Variants in EIF4G3 observed in about 807,000 individuals in gnomAD.
EIF4G3 encodes the protein eIF-4-gamma 3.
EIF4G3 carries 34 observed loss-of-function variants against 186.4 expected under a neutral mutation model. That is an observed-to-expected ratio of 0.18 (90% CI 0.14 to 0.24). The LOEUF (loss-of-function observed/expected upper bound fraction) is 0.24, where lower values mean the gene tolerates loss of function less well. EIF4G3 is among the 10% of genes least tolerant of loss of function. EIF4G3 has a pLI of 1.00. For synonymous variants in EIF4G3, 673 were observed against 679.5 expected, an observed-to-expected ratio of 0.99 and a Z score of 0.15; for missense variants, 1,536 against 1,948.5, an observed-to-expected ratio of 0.79 and a Z score of 3.99.
intron 2 of EIF4G3, among the ~76,000 whole-genome samples, chr1:21,158,908 T>C (rs919604364): frequency 1.1e-4 from 16 of 151,758 alleles, no homozygotes; most frequent in African/African-American, 3.9e-4. Context: ...TTACCTATGA[T>C]GAGTAAAGAC....
At chr1:21,075,094 AAAG>A (rs2095546385) in intron 3 of EIF4G3, among the ~76,000 whole-genome samples, 1 of 152,182 alleles carries the variant, frequency 6.6e-6, no homozygotes, top group Non-Finnish European at 1.5e-5. Context: ...GAGAGGGAAA[AAAG>A]GAACAAAGGA....
chr1:21,112,992 A>AT (rs914455421), intron 2 of EIF4G3, among the ~76,000 whole-genome samples: 4 of 152,070 alleles, frequency 2.6e-5, no homozygotes, highest in Non-Finnish European at 5.9e-5. Flanking sequence ...AATCAGAAAC[A>AT]TATAAATATT....
intron 4 of EIF4G3, among the ~76,000 whole-genome samples, chr1:21,023,639 CT>C (rs2091377327): frequency 1.3e-5 from 2 of 152,076 alleles, no homozygotes; most frequent in South Asian, 4.1e-4. Context: ...CTGCCTTGGC[CT>C]CCCAAAGTGC....
chr1:20,819,672 G>A (rs1287807309), intron 33 of EIF4G3, among the ~76,000 whole-genome samples: 1 of 152,034 alleles, frequency 6.6e-6, no homozygotes, highest in African/African-American at 2.4e-5. Context: ...CAACACACAC[G>A]AACCTATCAG....
At chr1:21,130,617 GTTC>G (rs1371231424) in intron 2 of EIF4G3, among the ~76,000 whole-genome samples, 1 of 152,058 alleles carries the variant, frequency 6.6e-6, no homozygotes, top group Non-Finnish European at 1.5e-5. Flanking sequence ...AGTCTCTACT[GTTC>G]TTCTATACAA....
intron 30 of EIF4G3, among the ~76,000 whole-genome samples, chr1:20,838,200 C>T (rs527310490): frequency 2.6e-5 from 4 of 152,142 alleles, no homozygotes; most frequent in Admixed American, 2.0e-4. Context: ...CTGAGATATC[C>T]GAGAGACTAA....
chr1:21,159,257 A>AC (rs2097715890), intron 2 of EIF4G3, among the ~76,000 whole-genome samples: 1 of 151,714 alleles, frequency 6.6e-6, no homozygotes, highest in African/African-American at 2.4e-5. Flanking sequence ...ACAAAGTGAG[A>AC]CCCCTATCCC....
intron 7 of EIF4G3, among the ~76,000 whole-genome samples, chr1:20,993,207 C>T (rs1466415780): frequency 1.3e-5 from 2 of 152,050 alleles, no homozygotes; most frequent in African/African-American, 2.4e-5. Flanking sequence ...TGGAGCATGG[C>T]GCACTTGATT....
At chr1:21,140,606 G>A (rs945780093) in intron 2 of EIF4G3, among the ~76,000 whole-genome samples, 2 of 152,152 alleles carry the variant, frequency 1.3e-5, no homozygotes, top group African/African-American at 4.8e-5. Context: ...CACCACACCT[G>A]GCCTTGGCAA....
chr1:20,986,605 T>G (rs1446940961), intron 7 of EIF4G3, among the ~76,000 whole-genome samples: 1 of 151,760 alleles, frequency 6.6e-6, no homozygotes, highest in East Asian at 1.9e-4. Context: ...AAAAATTAGC[T>G]GGGCGTGGTG....
Position 20,827,652 on chromosome 1 carries a change from G to A in EIF4G3, c.4234C>T (p.Leu1412=), listed in dbSNP as rs760958641. 1.2e-6 allele frequency: 2 copies of A among 1,612,470 alleles called. No individual in the cohort carries two copies. Among genetic ancestry groups the A allele is most frequent in the Admixed American group, 3.3e-5 (2 of 59,996 alleles). The part of the protein sequence containing the change: ...LLPVGRAGVL[L]SEILHLLCKQ... The stretch of plus-strand genomic sequence containing the variant: ...CATAGTAGGTGCAATATTTCAGATA[G>A]CAAGACCCCAGCTCTTCCAACAGGA... Residue 1412 remains leucine, a synonymous_variant, in exon 32 of 37, where the codon CTA becomes TTA. Transcript: ENST00000602326.
At chr1:20,837,624 T>G (rs1307133266) in intron 30 of EIF4G3, among the ~76,000 whole-genome samples, 5 of 152,196 alleles carry the variant, frequency 3.3e-5, no homozygotes, top group African/African-American at 1.2e-4. Flanking sequence ...ACAGCTGATC[T>G]CAGAGGCTCT....
intron 2 of EIF4G3, among the ~76,000 whole-genome samples, chr1:21,145,975 G>T (rs1403869096): frequency 6.6e-6 from 1 of 151,994 alleles, no homozygotes; most frequent in African/African-American, 2.4e-5. Flanking sequence ...CAGGACTGTA[G>T]TCCTAGCTAC....
chr1:21,074,582 G>A (rs1277149297), intron 3 of EIF4G3, among the ~76,000 whole-genome samples: 3 of 151,882 alleles, frequency 2.0e-5, no homozygotes, highest in Non-Finnish European at 4.4e-5. Context: ...AATCCTTTCT[G>A]TCTTAACAAT....
chr1:21,050,794 G>C, intron 4 of EIF4G3, 72 bp downstream of exon 4: 1 of 670,896 alleles, frequency 1.5e-6, no homozygotes, highest in Non-Finnish European at 2.7e-6. Context: ...CTGCTTAGGA[G>C]TCTCTTTAGA....
chr1:20,826,542 C>T (rs573247271), intron 32 of EIF4G3, among the ~76,000 whole-genome samples: 580 of 114,558 alleles, frequency 5.1e-3, no homozygotes, highest in Middle Eastern at 0.03. Context: ...CAGGCTGGAG[C>T]GCAGTGGCAT....
At chr1:20,891,669 C>T (rs187613068) in intron 18 of EIF4G3, among the ~76,000 whole-genome samples, 76 of 150,556 alleles carry the variant, frequency 5.0e-4, no homozygotes, top group Non-Finnish European at 1.0e-3. Context: ...CACCTATAGT[C>T]CCAGCTACTC....
At chr1:20,901,132 G>A (rs1415491135) in intron 15 of EIF4G3, among the ~76,000 whole-genome samples, 2 of 151,800 alleles carry the variant, frequency 1.3e-5, no homozygotes, top group Non-Finnish European at 2.9e-5. Flanking sequence ...ACTAATTCAT[G>A]GAAAAAGATA....
At chr1:20,898,381 GTAC>G (rs2089126419) in intron 16 of EIF4G3, among the ~76,000 whole-genome samples, 1 of 152,026 alleles carries the variant, frequency 6.6e-6, no homozygotes, top group Non-Finnish European at 1.5e-5. Context: ...AAAGTGGTAA[GTAC>G]TAGTCATTGG....
Sources: gnomAD v4.1 joint callset for allele counts (sites outside exome capture counted in the v4.1 genomes callset) on GRCh38, gnomAD v4.1.1 for gene constraint, MANE v1.5 for transcripts, NCBI Gene and HGNC (gene_info 2026-07-23, HGNC 2026-07-21) for gene names.